The following TNFAIP8 variants were observed in gnomAD, a reference collection of about 807,000 sequenced individuals.
TNFAIP8 encodes tumor necrosis factor alpha-induced protein 8.
Under a neutral mutation model 13.3 loss-of-function variants are expected in TNFAIP8, and 7 were observed. The ratio of observed to expected loss-of-function variants is 0.52; its 90% CI spans 0.30 to 0.99. The LOEUF is 0.99. TNFAIP8 is among the 50% of genes least tolerant of loss of function. TNFAIP8 has a pLI of 0.07. For missense variants in TNFAIP8, 258 were observed against 236.9 expected (o/e 1.09, Z -0.58); for synonymous variants, 94 against 87.6 (o/e 1.07, Z -0.41).
intron 1 of TNFAIP8, among the ~76,000 whole-genome samples, chr5:119,302,685 T>C (rs1749433601): frequency 6.6e-6 from 1 of 152,222 alleles, no homozygotes; most frequent in South Asian, 2.1e-4. Context: ...TTAGGTTAGC[T>C]GGATCAGTGC....
At chr5:119,370,973 T>G (rs563914880) in intron 1 of TNFAIP8, among the ~76,000 whole-genome samples, 9 of 152,342 alleles carry the variant, frequency 5.9e-5, no homozygotes, top group South Asian at 2.1e-4. Context: ...TTGCTCTATT[T>G]TGTGATAATG....
chr5:119,318,801 C>T (rs1005406186), intron 1 of TNFAIP8, among the ~76,000 whole-genome samples: 1 of 151,886 alleles, frequency 6.6e-6, no homozygotes, highest in African/African-American at 2.4e-5. Flanking sequence ...CAGAACCTAC[C>T]ATGTGCATTT....
intron 1 of TNFAIP8, among the ~76,000 whole-genome samples, chr5:119,330,382 G>A (rs1188748599): frequency 2.6e-5 from 4 of 152,178 alleles, no homozygotes; most frequent in African/African-American, 4.8e-5. Flanking sequence ...TCACTCTTTT[G>A]ATGATTTTGT....
chr5:119,296,754 C>G (rs1424269096), intron 1 of TNFAIP8, among the ~76,000 whole-genome samples: 2 of 152,054 alleles, frequency 1.3e-5, no homozygotes, highest in Non-Finnish European at 2.9e-5. Flanking sequence ...TCCATCTGGT[C>G]CTGGACTCTT....
intron 1 of TNFAIP8, among the ~76,000 whole-genome samples, chr5:119,285,171 C>T (rs1465897434): frequency 6.6e-6 from 1 of 152,120 alleles, no homozygotes; most frequent in Non-Finnish European, 1.5e-5. Flanking sequence ...AGGAGGCGAG[C>T]AGGCGAGCAG....
At chr5:119,296,129 G>T (rs1749168235) in intron 1 of TNFAIP8, among the ~76,000 whole-genome samples, 2 of 149,022 alleles carry the variant, frequency 1.3e-5, no homozygotes, top group Admixed American at 6.7e-5. Context: ...TCCTTCTCCT[G>T]CCTAATTGCC....
rs367789572 is a variant in TNFAIP8 at position 119,338,165 on chromosome 5, GACACACACACAC to G, written c.2-54616_2-54605del. On this transcript the variant is annotated intron_variant, in intron 1 of 1. Transcript: ENST00000274456. ...ATTCCAGATTGGAATCTGGAACTTT[GACACACACACAC>G]ACACACACACACACACACACACACA... Among the ~76,000 whole-genome samples, 1,207 of 125,234 alleles carry G rather than the reference GACACACACACAC, an allele frequency of 9.6e-3. 15 individuals carry two copies. Among genetic ancestry groups the G allele is most frequent in the African/African-American group, 0.024 (774 of 32,704 alleles). The allele number at this position is 125,234 out of a possible 152,430, so 82.2% of individuals were successfully genotyped here. A position where few individuals can be genotyped will look rare whatever the true frequency, so the allele number is the denominator to read the frequency against.
At position 119,397,055 on chromosome 5, in the gene TNFAIP8, G is replaced by C. The variant is rs1042226232; in HGVS notation, c.*3674G>C. ...AACTTTGATCGTACAGAAATATTGCGTTTTAAACTCTTATATAATAGTATG... is the reference window on the plus strand; with the variant it reads ...AACTTTGATCGTACAGAAATATTGCCTTTTAAACTCTTATATAATAGTATG... On this transcript the variant is annotated 3_prime_UTR_variant, in exon 2 of 2. Transcript: ENST00000504771. 2 of 147,872 alleles carry C rather than the reference G, an allele frequency of 1.4e-5. No homozygotes were observed. Among genetic ancestry groups the C allele is most frequent in the Non-Finnish European group, 3.0e-5 (2 of 67,418 alleles). The allele number at this position is 147,872 out of a possible 1,614,324, so 9.2% of individuals were successfully genotyped here.
Position 119,281,306 on chromosome 5 carries a change from A to ACACACACACACACACTCTCTCTCTCT in TNFAIP8, c.1+12400_1+12401insACACACACACACACTCTCTCTCTCTC. The stretch of plus-strand genomic sequence containing the variant: ...CACACATACACACACACACACACAC[A>ACACACACACACACACTCTCTCTCTCT]CTCTCTCTCTCTCACACTTACATGC... On this transcript the variant is annotated intron_variant, in intron 1 of 1. Coordinates refer to the TNFAIP8 transcript ENST00000274456. Among the ~76,000 whole-genome samples the ACACACACACACACACTCTCTCTCTCT allele has an allele frequency of 6.3e-4, 72 of 114,216 alleles. 1 individual carries two copies. The highest frequency in any genetic ancestry group is 2.1e-3 in the African/African-American group (70 of 32,860). 74.9% of individuals were successfully genotyped at this position (114,216 alleles called of 152,430 possible).
At position 119,393,128 on chromosome 5, in the gene TNFAIP8, GT is replaced by G; in HGVS notation, c.347del (p.Phe116SerfsTer17). 1 of 1,613,994 alleles carries G rather than the reference GT, an allele frequency of 6.2e-7. No homozygotes were observed. Among genetic ancestry groups the G allele is most frequent in the Non-Finnish European group, 8.5e-7 (1 of 1,179,880 alleles). Reference sequence around the variant, plus strand: ...CATCAGCTTGCTATGACCGTGGTCAGTTTCCATCAGGTGGATTATACCTTTG... The same window carrying G: ...CATCAGCTTGCTATGACCGTGGTCAGTTCCATCAGGTGGATTATACCTTTG... ...KVHQLAMTVVSFHQVDYTFDR... is the reference protein window; with the variant it reads ...KVHQLAMTVVXFHQVDYTFDR... On this transcript the variant is annotated frameshift_variant, in exon 2 of 2. Transcript: ENST00000504771. LOFTEE classifies it high-confidence loss of function.
chr5:119,294,198 C>A (rs935071519), intron 1 of TNFAIP8, among the ~76,000 whole-genome samples: 9 of 134,794 alleles, frequency 6.7e-5, no homozygotes, highest in African/African-American at 2.5e-4. Flanking sequence ...CCTCCCCCCT[C>A]CCCCCAACCC....
chr5:119,350,532 G>A (rs1268471141), intron 1 of TNFAIP8, among the ~76,000 whole-genome samples: 2 of 152,196 alleles, frequency 1.3e-5, no homozygotes, highest in African/African-American at 4.8e-5. Flanking sequence ...CTGATTTGGA[G>A]AGTATGCTTG....
intron 1 of TNFAIP8, among the ~76,000 whole-genome samples, chr5:119,274,770 C>T (rs956787773): frequency 3.9e-5 from 6 of 152,188 alleles, no homozygotes; most frequent in Admixed American, 2.6e-4. Flanking sequence ...AGTTTGAGAA[C>T]ATCATTATCT....
At chr5:119,290,924 C>T (rs1319108175) in intron 1 of TNFAIP8, among the ~76,000 whole-genome samples, 1 of 151,974 alleles carries the variant, frequency 6.6e-6, no homozygotes, top group Non-Finnish European at 1.5e-5. Flanking sequence ...GGGGTCAGGG[C>T]CTGTAGGGTC....
intron 1 of TNFAIP8, among the ~76,000 whole-genome samples, chr5:119,285,960 A>T (rs1002342379): frequency 6.6e-6 from 1 of 152,196 alleles, no homozygotes; most frequent in Non-Finnish European, 1.5e-5. Flanking sequence ...TTATGAGTAC[A>T]TACGCTTTTT....
chr5:119,275,980 G>A (rs956501042), intron 1 of TNFAIP8, among the ~76,000 whole-genome samples: 44 of 152,112 alleles, frequency 2.9e-4, no homozygotes, highest in African/African-American at 1.1e-3. Flanking sequence ...TACCATTAGG[G>A]AAATGAGGCA....
At chr5:119,336,667 C>G (rs967819409) in intron 1 of TNFAIP8, among the ~76,000 whole-genome samples, 8 of 152,180 alleles carry the variant, frequency 5.3e-5, no homozygotes, top group Admixed American at 1.3e-4. Context: ...AAAGCCTCCC[C>G]TATTTCTTAT....
rs560776770 is a variant in TNFAIP8 at position 119,398,930 on chromosome 5, C to G, written c.*5549C>G. ...TGATTTGTCAGCATCTTTTGCTGCT[C>G]TCTTCTAAGACCATTGGTTTTCACT... On this transcript the variant is annotated 3_prime_UTR_variant, in exon 2 of 2. Coordinates refer to ENST00000504771, the MANE Select transcript of TNFAIP8 (RefSeq NM_014350.4). The G allele has an allele frequency of 1.3e-5, 2 of 152,320 alleles. No homozygotes were observed. Among genetic ancestry groups the G allele is most frequent in the Admixed American group, 6.5e-5 (1 of 15,298 alleles). 9.4% of individuals were successfully genotyped at this position (152,320 alleles called of 1,614,324 possible). A position where few individuals can be genotyped will look rare whatever the true frequency, so the allele number is the denominator to read the frequency against.
chr5:119,307,627 T>A (rs1749606970), intron 1 of TNFAIP8, among the ~76,000 whole-genome samples: 1 of 152,246 alleles, frequency 6.6e-6, no homozygotes, highest in Non-Finnish European at 1.5e-5. Flanking sequence ...TTAACAATTC[T>A]CAATTGGAGA....
Sources: gnomAD v4.1 joint callset for allele counts (sites outside exome capture counted in the v4.1 genomes callset) on GRCh38, gnomAD v4.1.1 for gene constraint, MANE v1.5 for transcripts, NCBI Gene and HGNC (gene_info 2026-07-23, HGNC 2026-07-21) for gene names.